The following EPHX2 variants were observed in gnomAD, a reference collection of about 807,000 sequenced individuals.
The protein encoded by EPHX2 is epoxide hydrolase 2.
EPHX2 carries 74 observed loss-of-function variants against 78.7 expected under a neutral mutation model. The ratio of observed to expected loss-of-function variants is 0.94; its 90% CI spans 0.78 to 1.14. EPHX2 has a LOEUF of 1.14. Among genes scored for constraint, EPHX2 ranks in the 50% most tolerant of loss-of-function variants. EPHX2 has a pLI of 0.00. For missense variants in EPHX2, 715 were observed against 702.5 expected, an observed-to-expected ratio of 1.02 and a Z score of -0.20; for synonymous variants, 251 against 255.2, an observed-to-expected ratio of 0.98 and a Z score of 0.16.
intron 11 of EPHX2, 137 bp downstream of exon 11, chr8:27,522,645 T>C (rs1814689884): frequency 1.2e-6 from 1 of 835,512 alleles, no homozygotes; most frequent in Non-Finnish European, 1.9e-6. Context: ...CTTCACTCTT[T>C]AGTGTCTGGT....
At chr8:27,541,325 C>T (rs572671598) in intron 15 of EPHX2, 148 bp from the exon 16 acceptor site, 19 of 762,744 alleles carry the variant, frequency 2.5e-5, no homozygotes, top group South Asian at 7.1e-5. Flanking sequence ...GACAGCAAGG[C>T]GTGGGTCCTG....
At chr8:27,541,439 GCCT>G in intron 15 of EPHX2, 31 bp from the exon 16 acceptor site, 1 of 1,609,684 alleles carries the variant, frequency 6.2e-7, no homozygotes, top group Non-Finnish European at 8.5e-7. Context: ...TCTACTTACT[GCCT>G]CCCTCTTTTT....
chr8:27,508,253 A>G (rs1437788040), intron 5 of EPHX2, among the ~76,000 whole-genome samples: 2 of 152,198 alleles, frequency 1.3e-5, no homozygotes, highest in African/African-American at 4.8e-5. Flanking sequence ...CAATGATTCA[A>G]GATCGTGCTA....
intron 5 of EPHX2, among the ~76,000 whole-genome samples, chr8:27,510,071 C>T: frequency 6.6e-6 from 1 of 152,310 alleles, no homozygotes; most frequent in African/African-American, 2.4e-5. Flanking sequence ...CCTCCCTGCC[C>T]CTGTCTTCTC....
chr8:27,527,763 T>G (rs1814898935), intron 12 of EPHX2, among the ~76,000 whole-genome samples: 1 of 152,210 alleles, frequency 6.6e-6, no homozygotes, highest in South Asian at 2.1e-4. Flanking sequence ...ATGGTGTGTA[T>G]AGACCACATT....
At chr8:27,501,276 AC>A (rs1392089638) in intron 2 of EPHX2, among the ~76,000 whole-genome samples, 2 of 152,056 alleles carry the variant, frequency 1.3e-5, no homozygotes, top group Non-Finnish European at 2.9e-5. Flanking sequence ...CCATAAAAAA[AC>A]CTCAGTAATA....
chr8:27,530,655 A>G (rs1386265254), intron 12 of EPHX2, among the ~76,000 whole-genome samples: 3 of 152,004 alleles, frequency 2.0e-5, no homozygotes, highest in Non-Finnish European at 4.4e-5. Flanking sequence ...CTGTGGAGGG[A>G]CATTATTTTG....
At chr8:27,529,690 A>G (rs1248084345) in intron 12 of EPHX2, among the ~76,000 whole-genome samples, 3 of 152,042 alleles carry the variant, frequency 2.0e-5, no homozygotes, top group African/African-American at 4.8e-5. Context: ...AGACAGGTGG[A>G]TCACCTGAGG....
chr8:27,514,521 CT>C (rs1563348682), intron 6 of EPHX2, among the ~76,000 whole-genome samples: 3 of 152,168 alleles, frequency 2.0e-5, no homozygotes, highest in African/African-American at 7.2e-5. Context: ...ACAGTCAAGG[CT>C]GGTTAGTGGC....
chr8:27,515,732 G>A lies in EPHX2; in HGVS notation c.750G>A (p.Leu250=). The change falls in exon 7 of 19, where the codon CTG becomes CTA. Residue 250 remains leucine (L), a synonymous_variant. Transcript: ENST00000521400. Reference sequence around the variant, plus strand: ...CCCTTCCACAGCCCAGGGTCCGTCTGCATTTTGTGGAGCTGGGCTCCGGCC... The same window carrying A: ...CCCTTCCACAGCCCAGGGTCCGTCTACATTTTGTGGAGCTGGGCTCCGGCC... The part of the protein sequence containing the change: ...GYVTVKPRVR[L]HFVELGSGPA... 6.2e-7 allele frequency: 1 copy of A among 1,613,982 alleles called. No homozygotes were observed. Among genetic ancestry groups the A allele is most frequent in the Non-Finnish European group, 8.5e-7 (1 of 1,180,012 alleles).
At chr8:27,537,746 T>A (rs1360076690) in intron 13 of EPHX2, among the ~76,000 whole-genome samples, 1 of 152,238 alleles carries the variant, frequency 6.6e-6, no homozygotes, top group Non-Finnish European at 1.5e-5. Context: ...AGTATATTCA[T>A]TTCTAATTCT....
At chr8:27,497,370 T>C (rs897949733) in intron 1 of EPHX2, among the ~76,000 whole-genome samples, 2 of 152,200 alleles carry the variant, frequency 1.3e-5, no homozygotes, top group African/African-American at 4.8e-5. Flanking sequence ...TTTTTTAAAG[T>C]GTCCTTGCAA....
In EPHX2 at chr8:27,512,883, A is replaced by T. The variant is rs141993245; in HGVS notation, c.735+973A>T. Among the ~76,000 whole-genome samples, 464 of 152,314 alleles carry T rather than the reference A, an allele frequency of 3.0e-3. 1 individual carries two copies. The highest frequency in any genetic ancestry group is 5.4e-3 in the Non-Finnish European group (365 of 68,024). On this transcript the variant is annotated intron_variant, in intron 6 of 18. Coordinates refer to ENST00000521400, the MANE Select transcript of EPHX2 (RefSeq NM_001979.6). Reference sequence around the variant, plus strand: ...TGCCATTTCTGTGAGAATTAAATGAAATGTTGTATGCAGACCATGGGGCAT... The same window carrying T: ...TGCCATTTCTGTGAGAATTAAATGATATGTTGTATGCAGACCATGGGGCAT...
intron 12 of EPHX2, among the ~76,000 whole-genome samples, chr8:27,527,653 G>A (rs892025946): frequency 2.0e-5 from 3 of 152,122 alleles, no homozygotes; most frequent in Admixed American, 6.5e-5. Flanking sequence ...ATTTGTCCTT[G>A]TGTGACTAGT....
At chr8:27,546,973 C>T (rs539469276), downstream of EPHX2, among the ~76,000 whole-genome samples, 3 of 152,090 alleles carry the variant, frequency 2.0e-5, no homozygotes, top group Non-Finnish European at 2.9e-5. Flanking sequence ...GCACATCCTA[C>T]GTGTCTAGAA....
intron 12 of EPHX2, among the ~76,000 whole-genome samples, chr8:27,527,999 C>T (rs1001811189): frequency 4.6e-5 from 7 of 152,148 alleles, no homozygotes; most frequent in Non-Finnish European, 1.0e-4. Context: ...ATGCCTCCAA[C>T]TAAGCCATGC....
chr8:27,540,503 G>T, intron 14 of EPHX2, 51 bp from the exon 15 acceptor site: 3 of 1,554,786 alleles, frequency 1.9e-6, no homozygotes, highest in South Asian at 2.2e-5. Flanking sequence ...ACCTTAAAAT[G>T]CAGACACCTG....
chr8:27,500,410 C>T (rs1445001099), intron 1 of EPHX2, among the ~76,000 whole-genome samples: 2 of 152,076 alleles, frequency 1.3e-5, no homozygotes, highest in Non-Finnish European at 2.9e-5. Flanking sequence ...ATAAATTACC[C>T]GATCTGAGGT....
intron 6 of EPHX2, among the ~76,000 whole-genome samples, chr8:27,514,265 C>G (rs1343424326): frequency 1.3e-5 from 2 of 152,038 alleles, no homozygotes; most frequent in African/African-American, 4.8e-5. Flanking sequence ...TATGATCATG[C>G]CCCTGCCCTC....
Sources: allele counts gnomAD v4.1 joint callset (sites outside exome capture counted in the v4.1 genomes callset), GRCh38; gene constraint gnomAD v4.1.1; transcripts MANE v1.5; gene names NCBI Gene and HGNC (gene_info 2026-07-23, HGNC 2026-07-21).